Variants in SYT16 observed in about 807,000 individuals in gnomAD.
SYT16 encodes synaptotagmin 16, also known as synaptotagmin-16.
In SYT16, 42 loss-of-function variants were observed where a neutral mutation model predicts 61.4. The observed-to-expected ratio is 0.68, with a 90% CI of 0.53 to 0.89. SYT16 has a LOEUF of 0.89. SYT16 is among the 40% of genes least tolerant of loss of function. SYT16 has a pLI of 0.00. For missense variants in SYT16, 804 were observed against 807.3 expected, an observed-to-expected ratio of 1.00 and a Z score of 0.05; for synonymous variants, 314 against 302.3, an observed-to-expected ratio of 1.04 and a Z score of -0.40.
Position 62,081,270 on chromosome 14 carries a change from T to C in SYT16, c.1430T>C (p.Ile477Thr), listed in dbSNP as rs751036932. ...CTGGTTCTGGAGCCAAGAAGTAATA[T>C]AAGCGTGAGTATGTTAAATGGTGCT... Reference protein sequence around the residue: ...VTLVLEPRSNISSGGSPLSPS... With the variant: ...VTLVLEPRSNTSSGGSPLSPS... The change falls in exon 6 of 8, where the codon ATA becomes ACA. Residue 477 changes from isoleucine (I) to threonine (T), a missense_variant. Transcript: ENST00000683842. 1 of 1,612,520 alleles carries C rather than the reference T, an allele frequency of 6.2e-7. No individual in the cohort carries two copies. Among genetic ancestry groups the C allele is most frequent in the East Asian group, 2.2e-5 (1 of 44,852 alleles).
intron 1 of SYT16, among the ~76,000 whole-genome samples, chr14:61,834,903 G>A (rs563216988): frequency 6.6e-5 from 10 of 152,306 alleles, no homozygotes; most frequent in African/African-American, 2.2e-4. Context: ...ATATATGATG[G>A]TATATAGCAT....
intron 3 of SYT16, among the ~76,000 whole-genome samples, chr14:62,005,283 A>G (rs1312298828): frequency 6.6e-6 from 1 of 152,148 alleles, no homozygotes. Context: ...AGAAAGAGCA[A>G]GCCTTTATTG....
At chr14:61,866,002 T>C (rs1036673909) in intron 1 of SYT16, among the ~76,000 whole-genome samples, 5 of 152,214 alleles carry the variant, frequency 3.3e-5, no homozygotes, top group Admixed American at 3.3e-4. Flanking sequence ...ATATTTCAGA[T>C]GATAGAATAC....
At chr14:62,086,092 A>G (rs992757169) in intron 7 of SYT16, among the ~76,000 whole-genome samples, 1 of 152,176 alleles carries the variant, frequency 6.6e-6, no homozygotes, top group Non-Finnish European at 1.5e-5. Context: ...CGGGCAATCC[A>G]GAGGAGAGGT....
In SYT16 at chr14:62,100,512, G is replaced by A; in HGVS notation, c.1743G>A (p.Val581=). ...ATAAGGAGACCTTTGTTTTCCAGGTGGCCCTCTTTCAGCTGTCTGATGTCA... is the reference window on the plus strand; with the variant it reads ...ATAAGGAGACCTTTGTTTTCCAGGTAGCCCTCTTTCAGCTGTCTGATGTCA... ...PVYKETFVFQ[V]ALFQLSDVTL... Residue 581 remains valine (V), a synonymous_variant, in exon 8 of 8, where the codon GTG becomes GTA. Transcript: ENST00000683842. The A allele has an allele frequency of 6.2e-7, 1 of 1,613,742 alleles. No individual in the cohort carries two copies. The highest frequency in any genetic ancestry group is 8.5e-7 in the Non-Finnish European group (1 of 1,179,806).
At chr14:61,919,730 G>A (rs1388639654) in intron 1 of SYT16, among the ~76,000 whole-genome samples, 1 of 7,530 alleles carries the variant, frequency 1.3e-4, no homozygotes, top group Non-Finnish European at 2.7e-4. Flanking sequence ...AATTCCATCT[G>A]CACTCTTCCC....
intron 3 of SYT16, among the ~76,000 whole-genome samples, chr14:62,020,331 GTATAA>G (rs969946423): frequency 1.4e-4 from 21 of 151,976 alleles, no homozygotes; most frequent in Admixed American, 5.9e-4. Flanking sequence ...TATATATCTT[GTATAA>G]TATAATATAT....
At chr14:61,831,581 T>C (rs2045935615) in intron 1 of SYT16, among the ~76,000 whole-genome samples, 1 of 152,200 alleles carries the variant, frequency 6.6e-6, no homozygotes, top group Admixed American at 6.5e-5. Context: ...CTCTTTAAAC[T>C]GCCATATGCT....
intron 2 of SYT16, among the ~76,000 whole-genome samples, chr14:61,978,262 T>C (rs1237802851): frequency 2.0e-5 from 3 of 152,214 alleles, no homozygotes; most frequent in Admixed American, 1.3e-4. Context: ...AACTTGGCAG[T>C]GGTTTCCAAT....
downstream of SYT16, among the ~76,000 whole-genome samples, chr14:62,112,723 G>T (rs2057627416): frequency 6.6e-6 from 1 of 152,132 alleles, no homozygotes; most frequent in Non-Finnish European, 1.5e-5. Flanking sequence ...TTACATGTAT[G>T]ATCCATACAG....
intron 1 of SYT16, among the ~76,000 whole-genome samples, chr14:61,968,339 T>C (rs747205434): frequency 1.4e-4 from 22 of 151,968 alleles, no homozygotes; most frequent in Non-Finnish European, 2.6e-4. Context: ...AGGGGTGTGG[T>C]TGAGGAGCAT....
intron 1 of SYT16, among the ~76,000 whole-genome samples, chr14:61,954,403 C>T (rs1378781594): frequency 1.3e-5 from 2 of 148,682 alleles, no homozygotes; most frequent in African/African-American, 2.5e-5. Context: ...CTATTTATGT[C>T]GTTATATGTT....
intron 1 of SYT16, among the ~76,000 whole-genome samples, chr14:61,917,721 C>A (rs928591629): frequency 2.2e-4 from 34 of 152,124 alleles, no homozygotes; most frequent in African/African-American, 7.2e-4. Context: ...CAGAACAAGG[C>A]TGTTCTAATT....
intron 2 of SYT16, among the ~76,000 whole-genome samples, chr14:61,972,063 G>A (rs1159731442): frequency 1.3e-5 from 2 of 152,162 alleles, no homozygotes; most frequent in Non-Finnish European, 2.9e-5. Context: ...CAGTTTCCTT[G>A]TTTGCATATT....
Position 61,825,056 on chromosome 14 carries a change from C to A in SYT16, c.-325+12246C>A, listed in dbSNP as rs11849057. Reference sequence around the variant, plus strand: ...TCAAAGTAGAAAAGAGCCCTAAAACCAAAAAAATGGAAAACTGCTTTTAGT... The same window carrying A: ...TCAAAGTAGAAAAGAGCCCTAAAACAAAAAAAATGGAAAACTGCTTTTAGT... On this transcript the variant is annotated intron_variant, in intron 1 of 7. Transcript: ENST00000683842. 5.7e-3 allele frequency among the ~76,000 whole-genome samples: 867 copies of A among 152,020 alleles called. 12 individuals are homozygous for A. The highest frequency in any genetic ancestry group is 0.023 in the South Asian group (112 of 4,822).
chr14:61,984,750 A>G (rs2052230764), intron 2 of SYT16, among the ~76,000 whole-genome samples: 1 of 152,204 alleles, frequency 6.6e-6, no homozygotes, highest in South Asian at 2.1e-4. Context: ...TTTTGGTTTA[A>G]CTGAATAGAT....
At chr14:61,958,615 T>C (rs1299986549) in intron 1 of SYT16, among the ~76,000 whole-genome samples, 1 of 152,076 alleles carries the variant, frequency 6.6e-6, no homozygotes, top group African/African-American at 2.4e-5. Context: ...CTGAAAAATG[T>C]ATTTGTAATG....
chr14:62,008,040 T>C (rs1219672266), intron 3 of SYT16, among the ~76,000 whole-genome samples: 4 of 152,052 alleles, frequency 2.6e-5, no homozygotes, highest in Non-Finnish European at 5.9e-5. Flanking sequence ...ATCAATAAGG[T>C]CTTTTTTCAT....
chr14:61,869,493 T>C (rs1334218811), intron 1 of SYT16, among the ~76,000 whole-genome samples: 1 of 152,174 alleles, frequency 6.6e-6, no homozygotes, highest in African/African-American at 2.4e-5. Flanking sequence ...TCAAATAATA[T>C]TACAGTGATT....
Sources: allele counts gnomAD v4.1 joint callset (sites outside exome capture counted in the v4.1 genomes callset), GRCh38; gene constraint gnomAD v4.1.1; transcripts MANE v1.5; gene names NCBI Gene and HGNC (gene_info 2026-07-23, HGNC 2026-07-21).